KDM5B: variants seen among roughly 807,000 people sequenced by gnomAD.
The protein encoded by KDM5B is lysine demethylase 5B.
KDM5B carries 144 observed loss-of-function variants against 193.4 expected under a neutral mutation model. The ratio of observed to expected loss-of-function variants is 0.74; its 90% CI spans 0.65 to 0.86. The LOEUF (loss-of-function observed/expected upper bound fraction) is 0.86. Ranked by LOEUF, KDM5B falls within the 40% of genes least tolerant of loss-of-function variation. The pLI, the probability that KDM5B is intolerant of heterozygous loss-of-function variation, is 0.00. For synonymous variants in KDM5B, 668 were observed against 682.6 expected (o/e 0.98, Z 0.33); for missense variants, 1,833 against 1,886.9 (o/e 0.97, Z 0.53).
intron 1 of KDM5B, among the ~76,000 whole-genome samples, chr1:202,797,901 T>G (rs1405388489): frequency 6.6e-6 from 1 of 152,222 alleles, no homozygotes; most frequent in Non-Finnish European, 1.5e-5. Flanking sequence ...CTAATCTGTT[T>G]AGGGACAGGC....
intron 1 of KDM5B, among the ~76,000 whole-genome samples, chr1:202,803,380 T>A (rs1023511948): frequency 1.1e-4 from 16 of 152,210 alleles, no homozygotes; most frequent in African/African-American, 3.6e-4. Flanking sequence ...TCTTAAAGTC[T>A]ACACGTTTTG....
intron 5 of KDM5B, among the ~76,000 whole-genome samples, chr1:202,766,006 C>A (rs1572742248): frequency 6.6e-6 from 1 of 152,180 alleles, no homozygotes. Context: ...AGCAAATAAT[C>A]CTTCTCTAGC....
At chr1:202,732,399 A>C (rs1328288194) in intron 23 of KDM5B, among the ~76,000 whole-genome samples, 1 of 152,202 alleles carries the variant, frequency 6.6e-6, no homozygotes. Flanking sequence ...CACTCCTTTG[A>C]CCATGAATTA....
intron 1 of KDM5B, among the ~76,000 whole-genome samples, chr1:202,803,724 C>G (rs772852955): frequency 7.6e-4 from 115 of 151,850 alleles, no homozygotes; most frequent in Non-Finnish European, 1.6e-3. Flanking sequence ...GAGGCTGAGG[C>G]AGGAGAATCG....
At chr1:202,780,476 C>T (rs1278676910) in intron 1 of KDM5B, among the ~76,000 whole-genome samples, 1 of 152,042 alleles carries the variant, frequency 6.6e-6, no homozygotes, top group Non-Finnish European at 1.5e-5. Flanking sequence ...AGGCGTGAGC[C>T]ACTGCGCCTG....
Position 202,747,569 on chromosome 1 carries a change from TA to T in KDM5B, c.2017-1247del, listed in dbSNP as rs71564198. On this transcript the variant is annotated intron_variant, in intron 14 of 26. Coordinates refer to ENST00000367265, the MANE Select transcript of KDM5B (RefSeq NM_006618.5). ...TTCTACCCAAAAAGGCACATATTTT[TA>T]AAAAAAAAAAAAAAAACAGTATTAC... Among the ~76,000 whole-genome samples, 619 of 129,140 alleles carry T rather than the reference TA, an allele frequency of 4.8e-3. 5 individuals are homozygous for T. Among genetic ancestry groups the T allele is most frequent in the East Asian group, 0.016 (67 of 4,314 alleles). The allele number at this position is 129,140 out of a possible 152,430, so 84.7% of individuals were successfully genotyped here.
chr1:202,764,250 TA>T lies in KDM5B; in HGVS notation c.712-106del, dbSNP rs1656359683. 5.2e-6 allele frequency: 3 copies of T among 576,100 alleles called. No individual in the cohort carries two copies. The South Asian group carries it at 7.1e-5, about 14-fold the overall frequency. 35.7% of individuals were successfully genotyped at this position (576,100 alleles called of 1,614,324 possible). A position where few individuals can be genotyped will look rare whatever the true frequency, so the allele number is the denominator to read the frequency against. ...ACTATATCCTACCAATTGCCTCTAT[TA>T]ACAGGGCATTCAAAACATACTTCTC... is the stretch of plus-strand genomic sequence containing the variant. On this transcript the variant is annotated intron_variant, in intron 5 of 26. Transcript: ENST00000367265.
intron 1 of KDM5B, among the ~76,000 whole-genome samples, chr1:202,784,803 G>A (rs1657339547): frequency 6.6e-6 from 1 of 152,158 alleles, no homozygotes; most frequent in South Asian, 2.1e-4. Flanking sequence ...ACTTTGGGAG[G>A]CCCAGACAGG....
chr1:202,729,396 A>G (rs1220360946), intron 26 of KDM5B: 1 of 614,622 alleles, frequency 1.6e-6, no homozygotes, highest in Non-Finnish European at 2.8e-6. Context: ...GGGTTAAGAC[A>G]GCGCTGCCCT....
intron 5 of KDM5B, 64 bp from the exon 6 acceptor site, chr1:202,764,209 C>T: frequency 1.1e-6 from 1 of 885,658 alleles, no homozygotes; most frequent in Middle Eastern, 2.5e-4. Context: ...AAAAATCCAA[C>T]TGGAATCTCA....
chr1:202,773,024 TC>T (rs1656784795), intron 4 of KDM5B, 93 bp downstream of exon 4: 2 of 969,188 alleles, frequency 2.1e-6, no homozygotes, highest in Non-Finnish European at 3.1e-6. Flanking sequence ...AACAAGGTCT[TC>T]CAAACACAAT....
intron 8 of KDM5B, 125 bp from the exon 9 acceptor site, chr1:202,758,635 C>A: frequency 1.5e-6 from 1 of 655,158 alleles, no homozygotes; most frequent in Non-Finnish European, 2.3e-6. Context: ...GCTAGGTCTA[C>A]ATTATAAAAA....
chr1:202,808,033 C>G, intron 1 of KDM5B, 69 bp downstream of exon 1: 4 of 1,523,876 alleles, frequency 2.6e-6, no homozygotes, highest in Non-Finnish European at 3.5e-6. Context: ...CCTCGGGCCT[C>G]CCCGGACCCG....
intron 1 of KDM5B, among the ~76,000 whole-genome samples, chr1:202,779,656 AGCCGGGTGTGGTGACACAT>A (rs1657112351): frequency 6.6e-6 from 1 of 151,698 alleles, no homozygotes; most frequent in South Asian, 2.1e-4. Context: ...ACAAAAAATT[AGCCGGGTGTGGTGACACAT>A]GCCTGTAGTC....
At position 202,729,905 on chromosome 1, in the gene KDM5B, G is replaced by T. The variant is rs1222590632; in HGVS notation, c.4299C>A (p.Pro1433=). The T allele has an allele frequency of 6.2e-7, 1 of 1,614,074 alleles. No homozygotes were observed. The highest frequency in any genetic ancestry group is 2.2e-5 in the East Asian group (1 of 44,884). ...RWERVKKMRT[P]KKKKIKLSHP... is the part of the protein sequence containing the mutation. The stretch of plus-strand genomic sequence containing the variant: ...GGCTCAGTTTGATTTTCTTCTTTTT[G>T]GGGGTCCGCATTTTCTTAACTCGTT... The change falls in exon 26 of 27, where the codon CCC becomes CCA. Residue 1433 remains proline, a synonymous_variant. Transcript: ENST00000367265.
At chr1:202,804,146 A>C (rs897282777) in intron 1 of KDM5B, among the ~76,000 whole-genome samples, 9 of 152,068 alleles carry the variant, frequency 5.9e-5, no homozygotes, top group Non-Finnish European at 1.2e-4. Flanking sequence ...GGAGATGAAA[A>C]TGTTCTACAA....
chr1:202,730,114 A>C, intron 25 of KDM5B, 87 bp from the exon 26 acceptor site: 2 of 1,126,698 alleles, frequency 1.8e-6, no homozygotes, highest in Non-Finnish European at 2.5e-6. Context: ...TGTAAATTAG[A>C]AATCAGATGA....
chr1:202,729,791 G>T lies in KDM5B; in HGVS notation c.4413C>A (p.Asp1471Glu). 6.2e-7 allele frequency: 1 copy of T among 1,614,148 alleles called. No individual in the cohort carries two copies. The highest frequency in any genetic ancestry group is 8.5e-7 in the Non-Finnish European group (1 of 1,179,986). ...AGTCTTCCTGTTCGGAATAGGATGTGTCTGAGGGCAGGGAATGAGTTTCAG... is the reference window on the plus strand; with the variant it reads ...AGTCTTCCTGTTCGGAATAGGATGTTTCTGAGGGCAGGGAATGAGTTTCAG... ...RSAETHSLPS[D>E]TSYSEQEDSE... The change falls in exon 26 of 27, where the codon GAC (aspartate) becomes GAA (glutamate). Residue 1471 changes from aspartate (D) to glutamate (E), a missense_variant. Physicochemically the swap from Asp to Glu is conservative, Grantham distance 45 (BLOSUM62 2). This residue lies in a region of KDM5B where 1,379 missense variants were observed against 1,349.6 expected (regional missense o/e 1.02). Transcript: ENST00000367265.
At chr1:202,778,203 T>C (rs1034016846) in intron 1 of KDM5B, among the ~76,000 whole-genome samples, 3 of 152,054 alleles carry the variant, frequency 2.0e-5, no homozygotes, top group African/African-American at 4.8e-5. Flanking sequence ...CCTTAATATG[T>C]ATACTCGTAT....
Sources: allele counts gnomAD v4.1 joint callset (sites outside exome capture counted in the v4.1 genomes callset), GRCh38; gene constraint gnomAD v4.1.1; regional missense constraint gnomAD v4.1.1; transcripts MANE v1.5; gene names NCBI Gene and HGNC (gene_info 2026-07-23, HGNC 2026-07-21).